The following DENND4A variants were observed in gnomAD, a reference collection of about 807,000 sequenced individuals.
The protein encoded by DENND4A is C-myc promoter-binding protein.
DENND4A carries 70 observed loss-of-function variants against 199.3 expected under a neutral mutation model. The ratio of observed to expected loss-of-function variants is 0.35; its 90% CI spans 0.29 to 0.43. The LOEUF is 0.43. Ranked by LOEUF, DENND4A falls within the 20% of genes least tolerant of loss-of-function variation. The probability of loss-of-function intolerance (pLI) is 1.00; values close to 1 mark genes in which losing one functional copy is unlikely to be tolerated. For missense variants in DENND4A, 1,723 were observed against 2,255.8 expected (o/e 0.76, Z 4.78); for synonymous variants, 686 against 766.9 (o/e 0.89, Z 1.74).
At chr15:65,780,421 A>C (rs2077407683) in intron 1 of DENND4A, among the ~76,000 whole-genome samples, 1 of 152,248 alleles carries the variant, frequency 6.6e-6, no homozygotes, top group Non-Finnish European at 1.5e-5. Context: ...CTGAATTTTA[A>C]ATAAGCAACT....
At chr15:65,774,279 TG>T (rs1333739854) in intron 1 of DENND4A, among the ~76,000 whole-genome samples, 1 of 151,930 alleles carries the variant, frequency 6.6e-6, no homozygotes, top group Non-Finnish European at 1.5e-5. Context: ...TCACCTGAGG[TG>T]GGGAGTTTGA....
At position 65,695,166 on chromosome 15, in the gene DENND4A, CTTTCT is replaced by C. The variant is rs570396316; in HGVS notation, c.3082+1195_3082+1199del. Among the ~76,000 whole-genome samples, 316 of 152,248 alleles carry C rather than the reference CTTTCT, an allele frequency of 2.1e-3. 1 individual carries two copies. The highest frequency in any genetic ancestry group is 8.7e-3 in the Admixed American group (133 of 15,282). ...AAAATAAGAGTTATAGGTGATCTAA[CTTTCT>C]TTTGTCTGTTTGATAGAGTAGGTTC... is the stretch of plus-strand genomic sequence containing the variant. On this transcript the variant is annotated intron_variant, in intron 22 of 32. Transcript: ENST00000443035.
Position 65,737,688 on chromosome 15 carries a change from C to CCAAGA in DENND4A, c.1040+14_1040+18dup. On this transcript the variant is annotated intron_variant, in intron 7 of 32. Coordinates refer to ENST00000443035, the MANE Select transcript of DENND4A (RefSeq NM_001320835.1). ...ATGGAAAGATCTGTCAAATGTTGAA[C>CCAAGA]CAAGAACACTTAACTTACTTCTCAA... is the stretch of plus-strand genomic sequence containing the variant. The CCAAGA allele has an allele frequency of 6.4e-7, 1 of 1,551,340 alleles. No homozygotes were observed. Among genetic ancestry groups the CCAAGA allele is most frequent in the Non-Finnish European group, 8.7e-7 (1 of 1,147,740 alleles).
chr15:65,771,708 A>G, intron 1 of DENND4A: 1 of 1,610,406 alleles, frequency 6.2e-7, no homozygotes, highest in South Asian at 1.1e-5. Flanking sequence ...AATATATTAA[A>G]CAAGTCTTCT....
At chr15:65,771,213 TAC>T in intron 1 of DENND4A, 1 of 1,608,650 alleles carries the variant, frequency 6.2e-7, no homozygotes, top group Non-Finnish European at 8.5e-7. Context: ...TCTAATTCTT[TAC>T]AGTTGTCCAT....
chr15:65,686,712 T>G (rs1025829358), intron 23 of DENND4A, among the ~76,000 whole-genome samples: 2 of 152,106 alleles, frequency 1.3e-5, no homozygotes. Context: ...TCCTCATTAT[T>G]ATGAGATCAG....
chr15:65,680,228 T>G (rs1254558074), intron 23 of DENND4A, among the ~76,000 whole-genome samples: 1 of 152,246 alleles, frequency 6.6e-6, no homozygotes, highest in African/African-American at 2.4e-5. Context: ...ATCTCTCTTA[T>G]GACTACTTTG....
At chr15:65,683,833 T>C (rs2076662157) in intron 23 of DENND4A, among the ~76,000 whole-genome samples, 1 of 152,226 alleles carries the variant, frequency 6.6e-6, no homozygotes, top group Non-Finnish European at 1.5e-5. Flanking sequence ...TTTCTAATTT[T>C]AGAAAATCTT....
chr15:65,709,719 A>AAAAAAATATATATATATAT (rs1218030026), intron 14 of DENND4A, among the ~76,000 whole-genome samples: 3 of 51,474 alleles, frequency 5.8e-5, no homozygotes, highest in African/African-American at 1.0e-4. Flanking sequence ...AAAAAAAAAA[A>AAAAAAATATATATATATAT]ATATATATAT....
At position 65,772,416 on chromosome 15, in the gene DENND4A, A is replaced by C. The variant is rs529421332; in HGVS notation, c.-101-10978T>G. On this transcript the variant is annotated intron_variant, in intron 1 of 32. Coordinates refer to ENST00000443035, the MANE Select transcript of DENND4A (RefSeq NM_001320835.1). ...GAACCAATCATGAAAGCAGAAAAAG[A>C]CCAGATATTTGGCCAGGCACGGTGG... 8.5e-5 allele frequency among the ~76,000 whole-genome samples: 13 copies of C among 152,230 alleles called. No homozygotes were observed. In the South Asian group the frequency reaches 2.7e-3, roughly 32 times the overall value.
At chr15:65,665,228 G>C in intron 30 of DENND4A, 117 bp downstream of exon 30, 1 of 736,908 alleles carries the variant, frequency 1.4e-6, no homozygotes, top group Admixed American at 3.1e-5. Flanking sequence ...ACTTTGACCT[G>C]TAAGACAAAA....
chr15:65,740,337 C>G (rs1359794139), intron 5 of DENND4A, among the ~76,000 whole-genome samples: 1 of 149,594 alleles, frequency 6.7e-6, no homozygotes, highest in Non-Finnish European at 1.5e-5. Flanking sequence ...GTAGCCAGCA[C>G]AGCAGCTCAC....
intron 19 of DENND4A, 51 bp from the exon 20 acceptor site, chr15:65,700,726 A>G (rs1365171702): frequency 6.9e-7 from 1 of 1,454,166 alleles, no homozygotes; most frequent in Non-Finnish European, 9.1e-7. Context: ...GTAAATACAC[A>G]TTAATTTGTT....
chr15:65,661,459 T>C lies in DENND4A; in HGVS notation c.*392A>G, dbSNP rs2075842765. On this transcript the variant is annotated 3_prime_UTR_variant, in exon 33 of 33. Transcript: ENST00000443035. ...CTTCATGGTCAAAACATTTGAATAGTCTATGAAAACAGGAAATACGTTCAT... is the reference window on the plus strand; with the variant it reads ...CTTCATGGTCAAAACATTTGAATAGCCTATGAAAACAGGAAATACGTTCAT... 1 of 156,004 alleles carries C rather than the reference T, an allele frequency of 6.4e-6. No homozygotes were observed. The highest frequency in any genetic ancestry group is 1.4e-5 in the Non-Finnish European group (1 of 70,586). The allele number at this position is 156,004 out of a possible 1,614,324, so 9.7% of individuals were successfully genotyped here. A position where few individuals can be genotyped will look rare whatever the true frequency, so the allele number is the denominator to read the frequency against.
chr15:65,786,028 T>C (rs899161800), intron 1 of DENND4A, among the ~76,000 whole-genome samples: 1 of 152,216 alleles, frequency 6.6e-6, no homozygotes, highest in African/African-American at 2.4e-5. Flanking sequence ...CAATATCCTA[T>C]AAATATCTTA....
intron 23 of DENND4A, among the ~76,000 whole-genome samples, chr15:65,689,050 T>C (rs1410706187): frequency 6.6e-6 from 1 of 152,208 alleles, no homozygotes; most frequent in Non-Finnish European, 1.5e-5. Context: ...CTTTCCAGTG[T>C]CTTCTGACAT....
chr15:65,709,711 A>T lies in DENND4A; in HGVS notation c.1954-3487T>A, dbSNP rs954416931. 4.6e-4 allele frequency among the ~76,000 whole-genome samples: 54 copies of T among 116,324 alleles called. No homozygotes were observed. In the East Asian group the frequency reaches 0.022, roughly 46 times the overall value. The allele number at this position is 116,324 out of a possible 152,430, so 76.3% of individuals were successfully genotyped here. A position where few individuals can be genotyped will look rare whatever the true frequency, so the allele number is the denominator to read the frequency against. ...ACTCCATCTCAAAAAAAAAAAAAAA[A>T]AAAAAAAAATATATATATATATATA... On this transcript the variant is annotated intron_variant, in intron 14 of 32. Coordinates refer to ENST00000443035, the MANE Select transcript of DENND4A (RefSeq NM_001320835.1).
At chr15:65,744,851 T>C (rs2076348187) in intron 4 of DENND4A, among the ~76,000 whole-genome samples, 1 of 152,196 alleles carries the variant, frequency 6.6e-6, no homozygotes, top group South Asian at 2.1e-4. Context: ...AAAAATGCAT[T>C]ATATACCTGT....
chr15:65,674,466 C>G (rs1390789950), intron 24 of DENND4A, among the ~76,000 whole-genome samples: 1 of 152,112 alleles, frequency 6.6e-6, no homozygotes, highest in Non-Finnish European at 1.5e-5. Flanking sequence ...AACGTATTGA[C>G]ATTCATAAAA....
Sources: gnomAD v4.1 joint callset for allele counts (sites outside exome capture counted in the v4.1 genomes callset) on GRCh38, gnomAD v4.1.1 for gene constraint, MANE v1.5 for transcripts, NCBI Gene and HGNC (gene_info 2026-07-23, HGNC 2026-07-21) for gene names.